The following LINGO2 variants were observed in gnomAD, a reference collection of about 807,000 sequenced individuals.
LINGO2 encodes leucine rich repeat and Ig domain containing 2, also known as leucine-rich repeat and immunoglobulin-like domain-containing nogo receptor-interacting protein 2.
LINGO2 carries 14 observed loss-of-function variants against 30.6 expected under a neutral mutation model. The ratio of observed to expected loss-of-function variants is 0.46; its 90% CI spans 0.30 to 0.72. The LOEUF (loss-of-function observed/expected upper bound fraction) is 0.72. LINGO2 is among the 30% of genes least tolerant of loss of function. The pLI, the probability that LINGO2 is intolerant of heterozygous loss-of-function variation, is 0.07. For missense variants in LINGO2, 729 were observed against 751.7 expected (o/e 0.97, Z 0.35); for synonymous variants, 317 against 288.5 (o/e 1.10, Z -1.00).
intron 2 of LINGO2, among the ~76,000 whole-genome samples, chr9:28,443,479 C>A (rs1320019488): frequency 6.6e-6 from 1 of 152,196 alleles, no homozygotes; most frequent in Non-Finnish European, 1.5e-5. Flanking sequence ...ACTCACGCAT[C>A]CTTGTGCTGT....
chr9:28,978,855 T>G, the LINGO2 span, among the ~76,000 whole-genome samples: 1 of 151,906 alleles, frequency 6.6e-6, no homozygotes, highest in Non-Finnish European at 1.5e-5. Context: ...GTTGAATAAA[T>G]TATGTATATT....
the LINGO2 span, among the ~76,000 whole-genome samples, chr9:29,187,053 G>A: frequency 2.8e-4 from 42 of 152,102 alleles, no homozygotes; most frequent in African/African-American, 9.6e-4. Context: ...ATGAGGTTAA[G>A]TTCCTTGTAC....
intron 3 of LINGO2, among the ~76,000 whole-genome samples, chr9:28,314,188 C>T (rs775674939): frequency 3.0e-4 from 46 of 152,162 alleles, no homozygotes; most frequent in Non-Finnish European, 5.6e-4. Context: ...TCCGCCTCGG[C>T]CTCCCAAAGT....
At chr9:28,481,817 C>CT (rs1254673634) in intron 1 of LINGO2, among the ~76,000 whole-genome samples, 2 of 147,394 alleles carry the variant, frequency 1.4e-5, no homozygotes, top group African/African-American at 5.0e-5. Context: ...TGTTCCCCTT[C>CT]TTGTGTCCAT....
At chr9:28,571,394 A>G (rs1312802816) in intron 1 of LINGO2, among the ~76,000 whole-genome samples, 1 of 152,068 alleles carries the variant, frequency 6.6e-6, no homozygotes, top group Non-Finnish European at 1.5e-5. Flanking sequence ...TGCTATTACT[A>G]AAACACTCTG....
At chr9:28,023,061 A>G (rs1823212639) in intron 4 of LINGO2, among the ~76,000 whole-genome samples, 1 of 151,926 alleles carries the variant, frequency 6.6e-6, no homozygotes, top group Admixed American at 6.6e-5. Context: ...ATCATGTGTT[A>G]TTGTGTATTT....
the LINGO2 span, among the ~76,000 whole-genome samples, chr9:29,161,810 G>A: frequency 6.6e-6 from 1 of 152,042 alleles, no homozygotes; most frequent in South Asian, 2.1e-4. Flanking sequence ...AAAACTATAA[G>A]GGTTTTACTT....
intron 2 of LINGO2, among the ~76,000 whole-genome samples, chr9:28,388,641 G>C (rs967374190): frequency 1.3e-5 from 2 of 151,896 alleles, no homozygotes; most frequent in Non-Finnish European, 1.5e-5. Flanking sequence ...TATGTCCCTC[G>C]TTATTAATGA....
At chr9:28,932,064 G>T in the LINGO2 span, among the ~76,000 whole-genome samples, 1 of 149,092 alleles carries the variant, frequency 6.7e-6, no homozygotes, top group African/African-American at 2.5e-5. Flanking sequence ...TCAAGATTGC[G>T]CCATTGCACT....
chr9:28,434,925 C>T (rs759614392), intron 2 of LINGO2, among the ~76,000 whole-genome samples: 7 of 152,070 alleles, frequency 4.6e-5, no homozygotes, highest in Non-Finnish European at 8.8e-5. Flanking sequence ...TTTTACCATT[C>T]TATTGTTAGC....
At chr9:28,512,047 G>T (rs112429400) in intron 1 of LINGO2, among the ~76,000 whole-genome samples, 4,509 of 145,216 alleles carry the variant, frequency 0.031, 229 homozygotes, top group African/African-American at 0.11. Flanking sequence ...GATGGCAGGC[G>T]TGGAGGCCAT....
the LINGO2 span, among the ~76,000 whole-genome samples, chr9:28,796,370 T>C: frequency 1.1e-3 from 168 of 152,238 alleles, 4 homozygotes; most frequent in East Asian, 0.021. Context: ...AAGATGGGTG[T>C]AGCCTCAAAA....
chr9:29,110,982 C>T, the LINGO2 span, among the ~76,000 whole-genome samples: 3 of 146,056 alleles, frequency 2.1e-5, no homozygotes, highest in African/African-American at 7.8e-5. Context: ...AGCCACGGCG[C>T]CCGGCCTGGA....
chr9:28,258,429 A>C (rs1822451926), intron 4 of LINGO2, among the ~76,000 whole-genome samples: 1 of 151,940 alleles, frequency 6.6e-6, no homozygotes. Context: ...TAAATTATGC[A>C]CTTAATTGTC....
intron 4 of LINGO2, among the ~76,000 whole-genome samples, chr9:28,197,787 G>A (rs1382907276): frequency 1.3e-5 from 2 of 151,790 alleles, no homozygotes; most frequent in African/African-American, 4.8e-5. Flanking sequence ...GGAGAAACAT[G>A]CTTGTGATTC....
At chr9:28,932,023 G>A in the LINGO2 span, among the ~76,000 whole-genome samples, 5 of 151,640 alleles carry the variant, frequency 3.3e-5, no homozygotes, top group East Asian at 1.9e-4. Flanking sequence ...CAGAAAAATC[G>A]CCTGAACCGG....
chr9:28,861,749 T>A, the LINGO2 span, among the ~76,000 whole-genome samples: 1 of 151,952 alleles, frequency 6.6e-6, no homozygotes, highest in Non-Finnish European at 1.5e-5. Flanking sequence ...GGGCAACATA[T>A]GTTTTTTGTC....
At chr9:27,975,842 C>T (rs1958933) in intron 5 of LINGO2, among the ~76,000 whole-genome samples, 51,454 of 151,902 alleles carry the variant, frequency 0.34, 8,803 homozygotes, top group East Asian at 0.44. Context: ...AAAAGATTTC[C>T]ATTTTAAAAA....
At chr9:28,690,941 G>C in the LINGO2 span, among the ~76,000 whole-genome samples, 1 of 152,196 alleles carries the variant, frequency 6.6e-6, no homozygotes, top group Non-Finnish European at 1.5e-5. Context: ...AGAAATTTCA[G>C]TATATAGAAC....
Sources: allele counts gnomAD v4.1 joint callset (sites outside exome capture counted in the v4.1 genomes callset), GRCh38; gene constraint gnomAD v4.1.1; transcripts MANE v1.5; gene names NCBI Gene and HGNC (gene_info 2026-07-23, HGNC 2026-07-21).